The following DCAF8L2 variants were observed in gnomAD, a reference collection of about 807,000 sequenced individuals.
DCAF8L2 encodes the protein DDB1 and CUL4 associated factor 8 like 2, also known as DDB1- and CUL4-associated factor 8-like protein 2.
For missense variants in DCAF8L2, 430 were observed against 490.7 expected (o/e 0.88, Z 1.17); for synonymous variants, 200 against 190.9 (o/e 1.05, Z -0.39).
intron 3 of DCAF8L2, among the ~76,000 whole-genome samples, chrX:27,693,406 T>C (rs761770297): frequency 9.0e-6 from 1 of 111,596 alleles, no homozygotes; most frequent in East Asian, 2.8e-4. Flanking sequence ...CTTTTACTAG[T>C]CTTCATATTA....
At chrX:27,633,120 ATTGT>A (rs747807461) in intron 2 of DCAF8L2, 2 of 112,505 alleles carry the variant, frequency 1.8e-5, no homozygotes, top group East Asian at 5.6e-4. Flanking sequence ...AACATACTTG[ATTGT>A]TAGTGTAACA....
At chrX:27,502,336 ATATATATATATATATATATATATATATAT>A in the DCAF8L2 span, among the ~76,000 whole-genome samples, 1 of 10,900 alleles carries the variant, frequency 9.2e-5, no homozygotes, top group African/African-American at 3.0e-4. Flanking sequence ...AAAAAAAAAA[ATATATATATATATATATATATATATATAT>A]ATATATATAT....
the DCAF8L2 span, among the ~76,000 whole-genome samples, chrX:27,478,506 A>G: frequency 8.9e-6 from 1 of 112,259 alleles, no homozygotes; most frequent in African/African-American, 3.2e-5. Context: ...AAGATACATA[A>G]TTCATAAGCT....
the DCAF8L2 span, among the ~76,000 whole-genome samples, chrX:27,516,867 A>T: frequency 8.9e-6 from 1 of 111,817 alleles, no homozygotes; most frequent in African/African-American, 3.2e-5. Context: ...AAAAATAATT[A>T]AAATCAGTTA....
intron 1 of DCAF8L2, among the ~76,000 whole-genome samples, chrX:27,615,237 A>C (rs942168167): frequency 1.1e-4 from 12 of 111,925 alleles, no homozygotes; most frequent in African/African-American, 3.2e-4. Flanking sequence ...TAGTCATTGC[A>C]GTTTTTTTGA....
chrX:27,571,498 A>G, the DCAF8L2 span, among the ~76,000 whole-genome samples: 1 of 111,934 alleles, frequency 8.9e-6, no homozygotes, highest in African/African-American at 3.2e-5. Context: ...TGGTTCTGAC[A>G]TCATGATTTC....
At chrX:27,682,217 G>A (rs777213793) in intron 3 of DCAF8L2, among the ~76,000 whole-genome samples, 28 of 111,522 alleles carry the variant, frequency 2.5e-4, no homozygotes, top group Non-Finnish European at 4.1e-4. Context: ...CTCCTGCCTC[G>A]TCCTCCCAAA....
chrX:27,749,769 A>G lies in DCAF8L2; in HGVS notation c.*978A>G, dbSNP rs1471872391. 8.0e-5 allele frequency among the ~76,000 whole-genome samples: 9 copies of G among 112,287 alleles called. No individual in the cohort carries two copies. Among genetic ancestry groups the G allele is most frequent in the Non-Finnish European group, 1.5e-4 (8 of 53,296 alleles). ...CAATAAAGATTGTTTATACTTACAC[A>G]TAACCATTTGGTGTAATTGGTAGAA... On this transcript the variant is annotated 3_prime_UTR_variant, in exon 5 of 5. Coordinates refer to ENST00000451261, the MANE Select transcript of DCAF8L2 (RefSeq NM_001353450.2).
At chrX:27,725,469 T>C (rs1294356119) in intron 4 of DCAF8L2, among the ~76,000 whole-genome samples, 1 of 110,752 alleles carries the variant, frequency 9.0e-6, no homozygotes, top group East Asian at 2.8e-4. Context: ...AAGATTTATT[T>C]GTGATAATGA....
intron 2 of DCAF8L2, among the ~76,000 whole-genome samples, chrX:27,661,549 G>A (rs1049290373): frequency 6.3e-5 from 7 of 111,201 alleles, no homozygotes; most frequent in African/African-American, 1.6e-4. Context: ...CAATGTTCCT[G>A]ATATTATGCT....
At chrX:27,649,219 C>A (rs1929057978) in intron 2 of DCAF8L2, among the ~76,000 whole-genome samples, 2 of 111,668 alleles carry the variant, frequency 1.8e-5, no homozygotes, top group African/African-American at 6.5e-5. Flanking sequence ...GTGTTGGGCA[C>A]CTAAGTTGAT....
chrX:27,611,352 A>G, intron 1 of DCAF8L2, among the ~76,000 whole-genome samples: 1 of 74,740 alleles, frequency 1.3e-5, no homozygotes, highest in East Asian at 3.8e-4. Context: ...ACTTCTTCAG[A>G]TTCTTTTTAT....
At chrX:27,560,406 G>A in the DCAF8L2 span, among the ~76,000 whole-genome samples, 1 of 111,542 alleles carries the variant, frequency 9.0e-6, no homozygotes, top group African/African-American at 3.3e-5. Flanking sequence ...ACTTGCGCCC[G>A]CATACTAAGC....
intron 4 of DCAF8L2, among the ~76,000 whole-genome samples, chrX:27,719,380 T>C (rs767113609): frequency 7.7e-4 from 85 of 110,652 alleles, no homozygotes; most frequent in Non-Finnish European, 1.4e-3. Flanking sequence ...ATATAAAACA[T>C]ATATAAAGAA....
the DCAF8L2 span, among the ~76,000 whole-genome samples, chrX:27,476,167 G>A: frequency 1.8e-5 from 2 of 110,443 alleles, no homozygotes; most frequent in African/African-American, 3.3e-5. Context: ...ACAGGTACTA[G>A]ATCATAAAAA....
the DCAF8L2 span, among the ~76,000 whole-genome samples, chrX:27,555,826 C>T: frequency 4.5e-5 from 5 of 111,216 alleles, no homozygotes; most frequent in African/African-American, 1.6e-4. Flanking sequence ...GTGTGCAGTC[C>T]CTAGGTGACT....
At chrX:27,535,799 T>C in the DCAF8L2 span, among the ~76,000 whole-genome samples, 1 of 112,059 alleles carries the variant, frequency 8.9e-6, no homozygotes, top group Non-Finnish European at 1.9e-5. Flanking sequence ...AAGAGACTTA[T>C]TGATCTTTAA....
the DCAF8L2 span, among the ~76,000 whole-genome samples, chrX:27,505,584 CTCCCAGTGA>C: frequency 9.0e-6 from 1 of 111,459 alleles, no homozygotes; most frequent in African/African-American, 3.3e-5. Context: ...GTAGGTTTGG[CTCCCAGTGA>C]TCCTTGTTTC....
Position 27,671,115 on chromosome X carries a change from A to G in DCAF8L2, c.-219-6721A>G, listed in dbSNP as rs188369748. Among the ~76,000 whole-genome samples the G allele has an allele frequency of 9.8e-5, 11 of 111,721 alleles. 1 individual carries two copies. The highest frequency in any genetic ancestry group is 3.6e-4 in the African/African-American group (11 of 30,753). On this transcript the variant is annotated intron_variant, in intron 2 of 4. Coordinates refer to ENST00000451261, the MANE Select transcript of DCAF8L2 (RefSeq NM_001353450.2). The stretch of plus-strand genomic sequence containing the variant: ...GTGGGTTATGTTTTGTCCAAAATAC[A>G]GAGGATTCTGTTATGTTAACATAAT...
Sources: gnomAD v4.1 joint callset for allele counts (sites outside exome capture counted in the v4.1 genomes callset) on GRCh38, gnomAD v4.1.1 for gene constraint, MANE v1.5 for transcripts, NCBI Gene and HGNC (gene_info 2026-07-23, HGNC 2026-07-21) for gene names.